Variants in NDRG3 observed in about 807,000 individuals in gnomAD.
The protein encoded by NDRG3 is NDRG family member 3, also known as protein NDRG3.
In NDRG3, 23 loss-of-function variants were observed where a neutral mutation model predicts 57.2. That is an observed-to-expected ratio of 0.40 (90% CI 0.29 to 0.57). The LOEUF is 0.57. Among genes scored for constraint, NDRG3 ranks in the 20% least tolerant of loss-of-function variants. The pLI, the probability that NDRG3 is intolerant of heterozygous loss-of-function variation, is 0.42. For synonymous variants in NDRG3, 132 were observed against 162.6 expected (o/e 0.81, Z 1.43); for missense variants, 384 against 457.3 (o/e 0.84, Z 1.46).
chr20:36,687,447 C>G (rs752542062), intron 5 of NDRG3, 45 bp downstream of exon 5: 1 of 1,599,816 alleles, frequency 6.3e-7, no homozygotes, highest in Non-Finnish European at 8.5e-7. Context: ...CAGCCAGTTG[C>G]TCTACTGAGT....
rs147265150 is a variant in NDRG3, at chr20:36,684,991, G to A, written c.321-516C>T. On this transcript the variant is annotated intron_variant, in intron 5 of 15. Coordinates refer to ENST00000349004, the MANE Select transcript of NDRG3 (RefSeq NM_032013.4). ...CTAAGGAGAAAGTAAAATAATCCACGGTTTCTATATCCTAACAAGCAGCCC... is the reference window on the plus strand; with the variant it reads ...CTAAGGAGAAAGTAAAATAATCCACAGTTTCTATATCCTAACAAGCAGCCC... 7.2e-3 allele frequency among the ~76,000 whole-genome samples: 1,095 copies of A among 152,192 alleles called. 10 individuals are homozygous for A. Among genetic ancestry groups the A allele is most frequent in the African/African-American group, 0.023 (941 of 41,520 alleles).
Position 36,653,739 on chromosome 20 carries a change from C to T in NDRG3, c.947-38G>A. On this transcript the variant is annotated intron_variant, in intron 15 of 15. Coordinates refer to ENST00000349004, the MANE Select transcript of NDRG3 (RefSeq NM_032013.4). The surrounding 1 kb of genome is among the most constrained non-coding windows in gnomAD (Gnocchi z 4.2). ...ACCAAGGGGACTAGAAGATGAAGCC[C>T]CGGTTAAGCCCAGCTAACCTAGGAG... 1.3e-6 allele frequency: 2 copies of T among 1,585,806 alleles called. No individual in the cohort carries two copies. Among genetic ancestry groups the T allele is most frequent in the Non-Finnish European group, 1.7e-6 (2 of 1,164,064 alleles).
At chr20:36,698,175 C>T (rs945422917) in intron 3 of NDRG3, among the ~76,000 whole-genome samples, 3 of 151,932 alleles carry the variant, frequency 2.0e-5, no homozygotes, top group African/African-American at 7.2e-5. Context: ...ACATGTTGGC[C>T]AGGCTGGTCT....
At chr20:36,731,653 C>CA (rs1271164238) in intron 1 of NDRG3, among the ~76,000 whole-genome samples, 1 of 151,246 alleles carries the variant, frequency 6.6e-6, no homozygotes, top group African/African-American at 2.4e-5. Context: ...TAAAAAAATA[C>CA]AAAAAAATTA....
At chr20:36,704,377 A>G (rs904335547) in intron 3 of NDRG3, among the ~76,000 whole-genome samples, 2 of 152,030 alleles carry the variant, frequency 1.3e-5, no homozygotes, top group Non-Finnish European at 2.9e-5. Context: ...ACCCCACTAT[A>G]TTCTAATTTT....
intron 1 of NDRG3, among the ~76,000 whole-genome samples, chr20:36,727,470 T>C (rs1257463330): frequency 6.6e-6 from 1 of 152,180 alleles, no homozygotes; most frequent in Admixed American, 6.5e-5. Context: ...TCCGCCTGCT[T>C]TGGCCTCCCA....
chr20:36,698,548 C>A (rs1982991458), intron 3 of NDRG3, among the ~76,000 whole-genome samples: 1 of 151,616 alleles, frequency 6.6e-6, no homozygotes, highest in South Asian at 2.1e-4. Context: ...TGCACTCCAG[C>A]CTGGGTGACA....
chr20:36,654,836 G>T (rs756735827), intron 15 of NDRG3: 1 of 779,660 alleles, frequency 1.3e-6, no homozygotes, highest in African/African-American at 1.7e-5. Flanking sequence ...CTGCACATAC[G>T]GGACTGGAAG....
At chr20:36,731,702 C>T (rs1216752962) in intron 1 of NDRG3, among the ~76,000 whole-genome samples, 2 of 151,620 alleles carry the variant, frequency 1.3e-5, no homozygotes, top group East Asian at 1.9e-4. Flanking sequence ...CCCAGCTACT[C>T]GGGAGGCTGA....
At chr20:36,692,970 G>A (rs1047339304) in intron 3 of NDRG3, among the ~76,000 whole-genome samples, 1 of 146,758 alleles carries the variant, frequency 6.8e-6, no homozygotes, top group African/African-American at 2.5e-5. Flanking sequence ...AACTATTCGG[G>A]AAGCTGAGGC....
chr20:36,688,628 A>T, intron 4 of NDRG3, 51 bp downstream of exon 4: 1 of 1,344,498 alleles, frequency 7.4e-7, no homozygotes. Flanking sequence ...GGTTTTTAAC[A>T]TACAAAGATC....
At chr20:36,704,890 A>G (rs1440452613) in intron 3 of NDRG3, among the ~76,000 whole-genome samples, 1 of 152,144 alleles carries the variant, frequency 6.6e-6, no homozygotes, top group Non-Finnish European at 1.5e-5. Flanking sequence ...CTTACATTTC[A>G]TTTCCCCTCT....
chr20:36,675,657 A>C (rs1317456091), intron 8 of NDRG3, among the ~76,000 whole-genome samples: 1 of 152,006 alleles, frequency 6.6e-6, no homozygotes, highest in Admixed American at 6.6e-5. Flanking sequence ...AAGTGCTGGG[A>C]TTACAGGTGT....
chr20:36,712,629 T>C lies in NDRG3; in HGVS notation c.58-5622A>G, dbSNP rs1311176184. 2.3e-5 allele frequency among the ~76,000 whole-genome samples: 3 copies of C among 129,068 alleles called. No homozygotes were observed. In the Admixed American group the frequency reaches 2.6e-4, roughly 11 times the overall value. The allele number at this position is 129,068 out of a possible 152,430, so 84.7% of individuals were successfully genotyped here. On this transcript the variant is annotated intron_variant, in intron 2 of 15. Coordinates refer to ENST00000349004, the MANE Select transcript of NDRG3 (RefSeq NM_032013.4). The stretch of plus-strand genomic sequence containing the variant: ...TTTTTTTTTTGAGACGGAGTCTTGA[T>C]CTGCTGCCCAGGCTGGAGTGCAGCG...
chr20:36,728,093 G>A (rs910670051), intron 1 of NDRG3, among the ~76,000 whole-genome samples: 18 of 151,248 alleles, frequency 1.2e-4, no homozygotes, highest in African/African-American at 3.6e-4. Flanking sequence ...TCGCTGTGTC[G>A]CCCAGGGTGG....
At chr20:36,691,706 ACT>A (rs2148128761) in intron 3 of NDRG3, among the ~76,000 whole-genome samples, 1 of 152,210 alleles carries the variant, frequency 6.6e-6, no homozygotes, top group Non-Finnish European at 1.5e-5. Context: ...ACAGAGTGAG[ACT>A]CTGTCTCAAA....
intron 8 of NDRG3, among the ~76,000 whole-genome samples, chr20:36,672,545 T>C (rs1402694493): frequency 6.6e-6 from 1 of 152,160 alleles, no homozygotes; most frequent in Admixed American, 6.5e-5. Flanking sequence ...TATAGAAAAG[T>C]AGGCTGGGCG....
In NDRG3 at chr20:36,736,194, T is replaced by C. The variant is rs1985602916; in HGVS notation, c.-49+9851A>G. Among the ~76,000 whole-genome samples the C allele has an allele frequency of 2.0e-5, 3 of 152,174 alleles. 1 individual carries two copies. In the South Asian group the frequency reaches 6.2e-4, roughly 32 times the overall value. On this transcript the variant is annotated intron_variant, in intron 1 of 15. Coordinates refer to ENST00000349004, the MANE Select transcript of NDRG3 (RefSeq NM_032013.4). ...CTTGGTCATGTTGTCCACGTAGTTA[T>C]CTTAGCTACACTTAAACCTGGGAAG...
intron 1 of NDRG3, among the ~76,000 whole-genome samples, chr20:36,733,039 C>A (rs931530013): frequency 6.7e-6 from 1 of 148,396 alleles, no homozygotes; most frequent in East Asian, 2.0e-4. Flanking sequence ...CCCAGCTAGT[C>A]AGGAGGCTGA....
Sources: allele counts gnomAD v4.1 joint callset (sites outside exome capture counted in the v4.1 genomes callset), GRCh38; gene constraint gnomAD v4.1.1; non-coding constraint Gnocchi (gnomAD v3.1); transcripts MANE v1.5; gene names NCBI Gene and HGNC (gene_info 2026-07-23, HGNC 2026-07-21).